LRMDA: variants seen among roughly 807,000 people sequenced by gnomAD.
The protein encoded by LRMDA is leucine rich melanocyte differentiation associated.
LRMDA carries 18 observed loss-of-function variants against 29.8 expected under a neutral mutation model. The observed-to-expected ratio is 0.60, with a 90% CI of 0.42 to 0.90. The LOEUF (loss-of-function observed/expected upper bound fraction) is 0.90. Ranked by LOEUF, LRMDA falls within the 40% of genes least tolerant of loss-of-function variation. The probability of loss-of-function intolerance (pLI) is 0.00; values close to 1 mark genes in which losing one functional copy is unlikely to be tolerated. For missense variants in LRMDA, 273 were observed against 273.9 expected, an observed-to-expected ratio of 1.00 and a Z score of 0.02; for synonymous variants, 125 against 109.4, an observed-to-expected ratio of 1.14 and a Z score of -0.89.
intron 2 of LRMDA, among the ~76,000 whole-genome samples, chr10:75,578,394 T>C (rs1213459596): frequency 6.6e-6 from 1 of 151,726 alleles, no homozygotes; most frequent in Non-Finnish European, 1.5e-5. Context: ...AGCCCCCAGA[T>C]TCATAAAGCA....
At chr10:76,434,678 G>T (rs962851221) in intron 6 of LRMDA, among the ~76,000 whole-genome samples, 1 of 152,144 alleles carries the variant, frequency 6.6e-6, no homozygotes, top group Non-Finnish European at 1.5e-5. Flanking sequence ...CCAGGCTCTG[G>T]CAAGATGCTC....
intron 6 of LRMDA, among the ~76,000 whole-genome samples, chr10:76,478,401 G>T (rs1021169333): frequency 4.6e-5 from 7 of 152,056 alleles, no homozygotes; most frequent in African/African-American, 1.7e-4. Context: ...GAAACAACAG[G>T]TGCTGGAGAG....
intron 2 of LRMDA, among the ~76,000 whole-genome samples, chr10:75,532,056 G>GAAA (rs60697116): frequency 8.2e-3 from 771 of 94,166 alleles, no homozygotes; most frequent in Non-Finnish European, 0.01. Flanking sequence ...AAGAAAGAAA[G>GAAA]AAAAAAAAAA....
intron 2 of LRMDA, among the ~76,000 whole-genome samples, chr10:75,648,560 G>T (rs35721445): frequency 0.016 from 2,431 of 152,212 alleles, 34 homozygotes; most frequent in Non-Finnish European, 0.023. Flanking sequence ...TCTGCTTGGG[G>T]ATGTGAGCAG....
chr10:76,228,916 A>C (rs1291673468), intron 5 of LRMDA, among the ~76,000 whole-genome samples: 2 of 152,220 alleles, frequency 1.3e-5, no homozygotes, highest in Admixed American at 6.5e-5. Flanking sequence ...AATGTTTTCC[A>C]AAGTTAGCTT....
intron 6 of LRMDA, among the ~76,000 whole-genome samples, chr10:76,457,358 T>C (rs975510834): frequency 6.6e-6 from 1 of 152,198 alleles, no homozygotes; most frequent in Non-Finnish European, 1.5e-5. Flanking sequence ...TCATTCATAG[T>C]CATGCACAAA....
chr10:75,509,329 A>T (rs1301583137), intron 2 of LRMDA, among the ~76,000 whole-genome samples: 1 of 152,248 alleles, frequency 6.6e-6, no homozygotes, highest in African/African-American at 2.4e-5. Flanking sequence ...AGGAAAAAGA[A>T]AAAAATAAGC....
At chr10:75,437,415 G>T (rs1365727207) in intron 1 of LRMDA, among the ~76,000 whole-genome samples, 1 of 152,182 alleles carries the variant, frequency 6.6e-6, no homozygotes, top group Non-Finnish European at 1.5e-5. Flanking sequence ...TTATAGCCGT[G>T]TCTTGGGCTT....
At chr10:75,787,767 C>T (rs564685106) in intron 2 of LRMDA, among the ~76,000 whole-genome samples, 5 of 152,216 alleles carry the variant, frequency 3.3e-5, no homozygotes, top group African/African-American at 9.6e-5. Flanking sequence ...AGGTGGCTTG[C>T]GCCTGTAATC....
At chr10:76,484,802 G>A (rs1842765612) in intron 6 of LRMDA, among the ~76,000 whole-genome samples, 2 of 150,952 alleles carry the variant, frequency 1.3e-5, no homozygotes, top group African/African-American at 4.9e-5. Context: ...GTACTTTTTT[G>A]CCTCATGTAT....
intron 2 of LRMDA, among the ~76,000 whole-genome samples, chr10:75,836,118 T>C (rs539839577): frequency 7.2e-5 from 11 of 152,276 alleles, no homozygotes; most frequent in African/African-American, 2.6e-4. Flanking sequence ...GGGTTTCTTA[T>C]GTTCTCTAGG....
At chr10:76,397,461 G>A (rs554308139) in intron 6 of LRMDA, among the ~76,000 whole-genome samples, 7 of 152,278 alleles carry the variant, frequency 4.6e-5, no homozygotes, top group Non-Finnish European at 7.4e-5. Flanking sequence ...CTTTGTGGGG[G>A]AAAAAGATGA....
intron 6 of LRMDA, among the ~76,000 whole-genome samples, chr10:76,456,102 C>A (rs994599577): frequency 1.3e-5 from 2 of 152,110 alleles, no homozygotes; most frequent in African/African-American, 4.8e-5. Flanking sequence ...GCATCTCTAC[C>A]CGAAAATAGT....
rs545712753 is a variant in LRMDA at position 76,350,446 on chromosome 10, T to G, written c.601+25961T>G. 3.0e-4 allele frequency among the ~76,000 whole-genome samples: 45 copies of G among 152,238 alleles called. No homozygotes were observed. In the South Asian group the frequency reaches 9.3e-3, roughly 32 times the overall value. Reference sequence around the variant, plus strand: ...ACGTTCATTATGGGGACCGATTTTTTTTTTTTTTGGTCTGGCTCTGTTTCT... The same window carrying G: ...ACGTTCATTATGGGGACCGATTTTTGTTTTTTTTGGTCTGGCTCTGTTTCT... On this transcript the variant is annotated intron_variant, in intron 6 of 6. Transcript: ENST00000611255.
chr10:76,190,864 C>A (rs1851231844), intron 5 of LRMDA, among the ~76,000 whole-genome samples: 1 of 152,200 alleles, frequency 6.6e-6, no homozygotes, highest in African/African-American at 2.4e-5. Context: ...TATTCAGCAG[C>A]ACTGGGGCAG....
chr10:76,288,192 G>A (rs1840295781), intron 5 of LRMDA, among the ~76,000 whole-genome samples: 1 of 152,182 alleles, frequency 6.6e-6, no homozygotes, highest in South Asian at 2.1e-4. Context: ...TACACTGCTT[G>A]TAAATTAGTT....
rs201618808 is a variant in LRMDA at position 75,545,526 on chromosome 10, A to G, written c.131+107032A>G. ...TGATATCATAGGACACTGTGGACAT[A>G]ATAGGTGTCTGGCTTACACTAGACC... On this transcript the variant is annotated intron_variant, in intron 2 of 6. Transcript: ENST00000611255. Among the ~76,000 whole-genome samples the G allele has an allele frequency of 2.0e-5, 3 of 152,272 alleles. No homozygotes were observed. The East Asian group carries it at 5.8e-4, about 29-fold the overall frequency.
intron 6 of LRMDA, among the ~76,000 whole-genome samples, chr10:76,490,694 A>T (rs1280456603): frequency 1.3e-5 from 2 of 151,878 alleles, no homozygotes; most frequent in African/African-American, 4.8e-5. Flanking sequence ...TGTATTTCCT[A>T]TAGACAACAG....
intron 2 of LRMDA, among the ~76,000 whole-genome samples, chr10:75,985,859 G>A (rs1464379041): frequency 6.6e-6 from 1 of 152,228 alleles, no homozygotes; most frequent in Non-Finnish European, 1.5e-5. Context: ...CTGGAGAAGA[G>A]CTGTTGATGT....
Sources: allele counts gnomAD v4.1 joint callset (sites outside exome capture counted in the v4.1 genomes callset), GRCh38; gene constraint gnomAD v4.1.1; transcripts MANE v1.5; gene names NCBI Gene and HGNC (gene_info 2026-07-23, HGNC 2026-07-21).